RELN: variants seen among roughly 807,000 people sequenced by gnomAD.
RELN encodes the protein reelin.
In RELN, 108 loss-of-function variants were observed where a neutral mutation model predicts 427.6. The observed-to-expected ratio is 0.25, with a 90% CI of 0.22 to 0.30. The LOEUF is 0.30. Ranked by LOEUF, RELN falls within the 10% of genes least tolerant of loss-of-function variation. The pLI, the probability that RELN is intolerant of heterozygous loss-of-function variation, is 1.00. For missense variants in RELN, 3,715 were observed against 4,302.8 expected (o/e 0.86, Z 3.82); for synonymous variants, 1,524 against 1,513.4 (o/e 1.01, Z -0.16).
chr7:103,724,922 T>C (rs1055440029), intron 7 of RELN, among the ~76,000 whole-genome samples: 2 of 151,900 alleles, frequency 1.3e-5, no homozygotes, highest in African/African-American at 2.4e-5. Context: ...TATAATTGGG[T>C]AATATAAATT....
chr7:103,583,486 C>T (rs1222419846), intron 28 of RELN, among the ~76,000 whole-genome samples: 1 of 152,202 alleles, frequency 6.6e-6, no homozygotes, highest in Non-Finnish European at 1.5e-5. Flanking sequence ...AAATTTGTTT[C>T]CTCACAAAAA....
At chr7:103,755,558 A>G (rs1235961649) in intron 4 of RELN, among the ~76,000 whole-genome samples, 5 of 147,536 alleles carry the variant, frequency 3.4e-5, no homozygotes, top group Non-Finnish European at 6.0e-5. Context: ...CAGTGAGCTA[A>G]GATCGCGCCA....
chr7:103,725,868 C>G (rs1562973610), intron 7 of RELN, among the ~76,000 whole-genome samples: 1 of 152,164 alleles, frequency 6.6e-6, no homozygotes. Context: ...TGACTAACTT[C>G]TCCAGAAATG....
chr7:103,621,622 CA>C (rs1290444038), intron 20 of RELN, among the ~76,000 whole-genome samples: 2 of 152,138 alleles, frequency 1.3e-5, no homozygotes, highest in Non-Finnish European at 2.9e-5. Context: ...GAGTGAAAGG[CA>C]GCAAGGCAGG....
At chr7:103,475,937 G>C (rs1326171189) in intron 64 of RELN, among the ~76,000 whole-genome samples, 1 of 151,926 alleles carries the variant, frequency 6.6e-6, no homozygotes, top group Non-Finnish European at 1.5e-5. Flanking sequence ...TTTTTTGGTA[G>C]AGACGGGGTC....
At chr7:103,910,510 T>C (rs1021216279) in intron 2 of RELN, among the ~76,000 whole-genome samples, 12 of 151,556 alleles carry the variant, frequency 7.9e-5, no homozygotes, top group Middle Eastern at 3.4e-3. Flanking sequence ...TACTTTAAGG[T>C]TCATATGGAA....
chr7:103,627,426 A>G (rs1832352863), intron 20 of RELN, among the ~76,000 whole-genome samples: 1 of 152,134 alleles, frequency 6.6e-6, no homozygotes, highest in Admixed American at 6.5e-5. Flanking sequence ...TGGACAATGT[A>G]TTCCTCAACA....
intron 22 of RELN, among the ~76,000 whole-genome samples, chr7:103,605,859 T>C (rs1477487211): frequency 6.6e-6 from 1 of 152,228 alleles, no homozygotes; most frequent in Non-Finnish European, 1.5e-5. Context: ...TGTATTTTCA[T>C]TCCTAGTAGG....
At chr7:103,754,966 G>A (rs942895657) in intron 4 of RELN, among the ~76,000 whole-genome samples, 1 of 152,090 alleles carries the variant, frequency 6.6e-6, no homozygotes, top group Non-Finnish European at 1.5e-5. Context: ...TGATATCTAC[G>A]AAGAACATCC....
intron 2 of RELN, among the ~76,000 whole-genome samples, chr7:103,874,478 C>A (rs1178782519): frequency 6.9e-6 from 1 of 144,940 alleles, no homozygotes; most frequent in Non-Finnish European, 1.5e-5. Context: ...AGCCCAAAAT[C>A]TCCTTAAGCT....
chr7:103,630,102 G>A lies in RELN; in HGVS notation c.2540C>T (p.Ser847Phe), dbSNP rs1413651686. The A allele has an allele frequency of 1.2e-6, 2 of 1,613,488 alleles. No homozygotes were observed. The highest frequency in any genetic ancestry group is 1.7e-6 in the Non-Finnish European group (2 of 1,179,748). The change falls in exon 20 of 65, where the codon TCT (serine) becomes TTT (phenylalanine). Residue 847 changes from serine (S) to phenylalanine (F), a missense_variant. Physicochemically the swap from Ser to Phe is radical, Grantham distance 155. This residue lies in a region of RELN where 2,208 missense variants were observed against 2,361.7 expected (regional missense o/e 0.93). Coordinates refer to ENST00000428762, the MANE Select transcript of RELN (RefSeq NM_005045.4). ...AGCCCATACATCTTCTCTCTGGGAA[G>A]AATGATACGGTTGCCACCATCTGAA... The part of the protein sequence containing the change: ...IQFRWWQPYH[S>F]SQREDVWAID...
intron 2 of RELN, among the ~76,000 whole-genome samples, chr7:103,833,960 C>T (rs1166307596): frequency 1.3e-5 from 2 of 152,152 alleles, no homozygotes; most frequent in African/African-American, 4.8e-5. Flanking sequence ...CAGGACCAAC[C>T]TGCAGTTGAA....
intron 60 of RELN, among the ~76,000 whole-genome samples, chr7:103,486,835 G>GA (rs1828458606): frequency 6.6e-6 from 1 of 152,214 alleles, no homozygotes; most frequent in Non-Finnish European, 1.5e-5. Context: ...AACCATTGTA[G>GA]AAGACAGTGT....
At chr7:103,717,999 C>T (rs1040670093) in intron 8 of RELN, among the ~76,000 whole-genome samples, 2 of 152,054 alleles carry the variant, frequency 1.3e-5, no homozygotes, top group African/African-American at 2.4e-5. Flanking sequence ...TTTTCTTATG[C>T]TAAATGAAAT....
intron 28 of RELN, among the ~76,000 whole-genome samples, chr7:103,588,986 T>C (rs1276609345): frequency 1.3e-5 from 2 of 152,184 alleles, no homozygotes; most frequent in African/African-American, 4.8e-5. Flanking sequence ...TTTTGCAAAT[T>C]TGACTCCACA....
intron 2 of RELN, among the ~76,000 whole-genome samples, chr7:103,836,347 AC>A (rs1793407551): frequency 1.3e-5 from 2 of 152,246 alleles, no homozygotes; most frequent in Admixed American, 1.3e-4. Flanking sequence ...AAAATTTGAT[AC>A]AATTAAAAAT....
intron 3 of RELN, among the ~76,000 whole-genome samples, chr7:103,825,390 G>A (rs1457362942): frequency 4.6e-5 from 7 of 152,006 alleles, no homozygotes; most frequent in Non-Finnish European, 7.4e-5. Flanking sequence ...GTCATATTTG[G>A]CTACCATTGC....
chr7:103,855,314 T>C (rs1302199615), intron 2 of RELN, among the ~76,000 whole-genome samples: 1 of 152,158 alleles, frequency 6.6e-6, no homozygotes, highest in Non-Finnish European at 1.5e-5. Context: ...GAAAGGCAAG[T>C]GAAGTCAGAA....
intron 4 of RELN, among the ~76,000 whole-genome samples, chr7:103,754,222 A>G (rs1584465757): frequency 6.6e-6 from 1 of 152,112 alleles, no homozygotes; most frequent in Non-Finnish European, 1.5e-5. Flanking sequence ...TGACCACATT[A>G]TATCCAAATG....
Sources: gnomAD v4.1 joint callset for allele counts (sites outside exome capture counted in the v4.1 genomes callset) on GRCh38, gnomAD v4.1.1 for gene constraint, gnomAD v4.1.1 regional missense constraint, MANE v1.5 for transcripts, NCBI Gene and HGNC (gene_info 2026-07-23, HGNC 2026-07-21) for gene names.